The following IMMP2L variants were observed in gnomAD, a reference collection of about 807,000 sequenced individuals.
IMMP2L encodes inner mitochondrial membrane peptidase subunit 2.
Under a neutral mutation model 19.3 loss-of-function variants are expected in IMMP2L, and 18 were observed. That is an observed-to-expected ratio of 0.93 (90% CI 0.64 to 1.38). IMMP2L has a LOEUF of 1.38. Ranked by LOEUF, IMMP2L falls within the 40% of genes most tolerant of loss-of-function variation. IMMP2L has a pLI of 0.00. For synonymous variants in IMMP2L, 76 were observed against 73.0 expected, an observed-to-expected ratio of 1.04 and a Z score of -0.21; for missense variants, 233 against 218.2, an observed-to-expected ratio of 1.07 and a Z score of -0.43.
chr7:111,466,493 C>T (rs1400037634), intron 3 of IMMP2L, among the ~76,000 whole-genome samples: 1 of 152,024 alleles, frequency 6.6e-6, no homozygotes, highest in African/African-American at 2.4e-5. Flanking sequence ...TTAAAAAATT[C>T]CCTTACTTGG....
intron 5 of IMMP2L, among the ~76,000 whole-genome samples, chr7:110,792,035 A>T (rs978020960): frequency 1.1e-4 from 16 of 151,816 alleles, no homozygotes; most frequent in African/African-American, 3.6e-4. Flanking sequence ...AAGTTGGGCA[A>T]GGGAACTAAT....
At chr7:110,809,505 T>A (rs1360919737) in intron 5 of IMMP2L, among the ~76,000 whole-genome samples, 2 of 151,954 alleles carry the variant, frequency 1.3e-5, no homozygotes, top group Non-Finnish European at 2.9e-5. Context: ...AGATTTTTCC[T>A]AAATAAACAT....
chr7:110,881,070 AT>A (rs1809589446), intron 5 of IMMP2L, among the ~76,000 whole-genome samples: 2 of 151,974 alleles, frequency 1.3e-5, no homozygotes, highest in South Asian at 2.1e-4. Context: ...AATCATATAT[AT>A]TTTTTTCATG....
intron 5 of IMMP2L, among the ~76,000 whole-genome samples, chr7:110,848,797 A>G (rs1052157443): frequency 6.6e-6 from 1 of 152,144 alleles, no homozygotes; most frequent in South Asian, 2.1e-4. Flanking sequence ...AAGTGAAAGA[A>G]GCCAATCTGA....
chr7:111,404,659 C>A (rs1031812160), intron 3 of IMMP2L, among the ~76,000 whole-genome samples: 1 of 152,046 alleles, frequency 6.6e-6, no homozygotes, highest in African/African-American at 2.4e-5. Context: ...GGAAAGGAAT[C>A]ACTTCATTCT....
chr7:111,060,695 C>T (rs1283493144), intron 3 of IMMP2L, among the ~76,000 whole-genome samples: 1 of 152,160 alleles, frequency 6.6e-6, no homozygotes, highest in African/African-American at 2.4e-5. Context: ...TGCATTAATT[C>T]ATGTAAAGTG....
intron 5 of IMMP2L, among the ~76,000 whole-genome samples, chr7:110,719,040 A>C (rs1042516405): frequency 1.3e-5 from 2 of 152,160 alleles, no homozygotes; most frequent in African/African-American, 2.4e-5. Context: ...AGAACACACA[A>C]CTTAGGAAAA....
intron 4 of IMMP2L, among the ~76,000 whole-genome samples, chr7:110,950,866 A>ATATG (rs1817752503): frequency 7.4e-6 from 1 of 134,806 alleles, no homozygotes; most frequent in South Asian, 2.4e-4. Flanking sequence ...ATATATATAT[A>ATATG]TATATGTATA....
intron 3 of IMMP2L, among the ~76,000 whole-genome samples, chr7:111,351,174 G>A (rs1374084259): frequency 6.6e-6 from 1 of 152,044 alleles, no homozygotes; most frequent in Non-Finnish European, 1.5e-5. Context: ...AATGAGGGGA[G>A]CATTTTTATT....
chr7:111,341,824 C>T (rs1827037941), intron 3 of IMMP2L, among the ~76,000 whole-genome samples: 2 of 152,118 alleles, frequency 1.3e-5, no homozygotes, highest in South Asian at 4.1e-4. Context: ...GTCATGCAGG[C>T]TCCACCTTTA....
chr7:110,722,267 A>T (rs949065167), intron 5 of IMMP2L, among the ~76,000 whole-genome samples: 1 of 152,160 alleles, frequency 6.6e-6, no homozygotes. Flanking sequence ...TGGGAACAGT[A>T]CTGAGGGTTA....
intron 4 of IMMP2L, among the ~76,000 whole-genome samples, chr7:110,951,288 TA>T (rs991446855): frequency 2.7e-5 from 4 of 149,530 alleles, no homozygotes; most frequent in Non-Finnish European, 6.0e-5. Flanking sequence ...GAAATCACAA[TA>T]AAAAAATTAA....
rs115467555 is a variant in IMMP2L at position 110,841,264 on chromosome 7, C to T, written c.408+45329G>A. Among the ~76,000 whole-genome samples the T allele has an allele frequency of 6.4e-3, 967 of 151,954 alleles. 7 individuals carry two copies. The highest frequency in any genetic ancestry group is 0.022 in the African/African-American group (922 of 41,460). The stretch of plus-strand genomic sequence containing the variant: ...CTATAGGTAAGCAATTTAACATATC[C>T]ATCATCTCACATAGTATCCTTTTAA... On this transcript the variant is annotated intron_variant, in intron 5 of 5. Coordinates refer to ENST00000405709, the MANE Select transcript of IMMP2L (RefSeq NM_032549.4).
chr7:111,290,438 T>C (rs577428883), intron 3 of IMMP2L, among the ~76,000 whole-genome samples: 1 of 152,296 alleles, frequency 6.6e-6, no homozygotes, highest in South Asian at 2.1e-4. Context: ...TTGGAATGTT[T>C]TAAATGCCTT....
chr7:111,269,589 T>C (rs1818223388), intron 3 of IMMP2L, among the ~76,000 whole-genome samples: 1 of 152,152 alleles, frequency 6.6e-6, no homozygotes, highest in Non-Finnish European at 1.5e-5. Flanking sequence ...TATTTTCTTC[T>C]GTATGTATAT....
chr7:111,106,133 T>C (rs2129581440), intron 3 of IMMP2L, among the ~76,000 whole-genome samples: 1 of 152,078 alleles, frequency 6.6e-6, no homozygotes, highest in East Asian at 1.9e-4. Context: ...TTGGTGCACA[T>C]TGGAGCAGAC....
Position 111,059,636 on chromosome 7 carries a change from T to G in IMMP2L, c.240-96071A>C, listed in dbSNP as rs1239928471. Among the ~76,000 whole-genome samples, 3 of 152,160 alleles carry G rather than the reference T, an allele frequency of 2.0e-5. No homozygotes were observed. In the East Asian group the frequency reaches 5.8e-4, roughly 29 times the overall value. On this transcript the variant is annotated intron_variant, in intron 3 of 5. Transcript: ENST00000405709. ...ATAAGGCACTCAAATGCTCACTTAATTTTATATATTTTAGCATGAGTATTT... is the reference window on the plus strand; with the variant it reads ...ATAAGGCACTCAAATGCTCACTTAAGTTTATATATTTTAGCATGAGTATTT...
At chr7:111,076,416 T>C (rs1471616378) in intron 3 of IMMP2L, among the ~76,000 whole-genome samples, 1 of 152,168 alleles carries the variant, frequency 6.6e-6, no homozygotes, top group Admixed American at 6.5e-5. Context: ...GGATGGTTGA[T>C]TGCCTTAATG....
intron 5 of IMMP2L, among the ~76,000 whole-genome samples, chr7:110,706,558 T>C (rs1268174783): frequency 3.9e-5 from 6 of 152,188 alleles, no homozygotes; most frequent in Non-Finnish European, 5.9e-5. Context: ...TTGACTGGTG[T>C]GAGATGATAT....
Sources: allele counts gnomAD v4.1 joint callset (sites outside exome capture counted in the v4.1 genomes callset), GRCh38; gene constraint gnomAD v4.1.1; transcripts MANE v1.5; gene names NCBI Gene and HGNC (gene_info 2026-07-23, HGNC 2026-07-21).